Variants in CTNNA3 observed in about 807,000 individuals in gnomAD.
CTNNA3 encodes catenin alpha 3.
Under a neutral mutation model 95.7 loss-of-function variants are expected in CTNNA3, and 76 were observed. That is an observed-to-expected ratio of 0.79 (90% CI 0.66 to 0.96). The LOEUF (loss-of-function observed/expected upper bound fraction) is 0.96, where lower values mean the gene tolerates loss of function less well. Among genes scored for constraint, CTNNA3 ranks in the 40% least tolerant of loss-of-function variants. The pLI is 0.00. For synonymous variants in CTNNA3, 431 were observed against 374.4 expected (o/e 1.15, Z -1.74); for missense variants, 1,191 against 1,089.8 (o/e 1.09, Z -1.31).
intron 7 of CTNNA3, among the ~76,000 whole-genome samples, chr10:67,141,284 C>T (rs1438078321): frequency 7.0e-6 from 1 of 142,218 alleles, no homozygotes; most frequent in Non-Finnish European, 1.5e-5. Context: ...CCAATTAATG[C>T]TTGCAAAGGC....
chr10:67,371,769 G>T (rs917180995), intron 5 of CTNNA3, among the ~76,000 whole-genome samples: 3 of 152,118 alleles, frequency 2.0e-5, no homozygotes, highest in Non-Finnish European at 4.4e-5. Flanking sequence ...GGGTCAAATG[G>T]TATTTCTAGT....
In CTNNA3 at chr10:67,298,774, G is replaced by A. The variant is rs78820698; in HGVS notation, c.580-78904C>T. ...GCTGTGCTAGTTAGTTCCCATAAAT[G>A]TTGCACAACTGGAACTATATGTGCA... is the stretch of plus-strand genomic sequence containing the variant. On this transcript the variant is annotated intron_variant, in intron 5 of 17. Transcript: ENST00000433211. 1.6e-3 allele frequency among the ~76,000 whole-genome samples: 238 copies of A among 152,296 alleles called. 1 individual carries two copies. Among genetic ancestry groups the A allele is most frequent in the Non-Finnish European group, 3.0e-3 (206 of 68,024 alleles).
intron 13 of CTNNA3, among the ~76,000 whole-genome samples, chr10:66,214,214 A>C (rs2088363389): frequency 6.6e-6 from 1 of 152,202 alleles, no homozygotes; most frequent in African/African-American, 2.4e-5. Flanking sequence ...TAAACAAAGG[A>C]AAAGGTGCCC....
At chr10:67,564,561 G>C (rs902434368) in intron 3 of CTNNA3, among the ~76,000 whole-genome samples, 26 of 144,196 alleles carry the variant, frequency 1.8e-4, no homozygotes, top group African/African-American at 6.3e-4. Flanking sequence ...GTTAATCGGT[G>C]CAGCACACCA....
chr10:67,558,538 C>T (rs1841342705), intron 3 of CTNNA3, among the ~76,000 whole-genome samples: 1 of 152,232 alleles, frequency 6.6e-6, no homozygotes, highest in African/African-American at 2.4e-5. Flanking sequence ...CAGCGCCGGT[C>T]TACAGCTCCC....
At chr10:65,920,816 C>A (rs1380239411) in intron 17 of CTNNA3, among the ~76,000 whole-genome samples, 199 bp from the exon 18 acceptor site, 2 of 151,428 alleles carry the variant, frequency 1.3e-5, no homozygotes, top group African/African-American at 4.9e-5. Context: ...ACAGTGAAAC[C>A]CCATATAAAA....
chr10:66,832,277 G>T (rs1191828731), intron 7 of CTNNA3, among the ~76,000 whole-genome samples: 1 of 152,126 alleles, frequency 6.6e-6, no homozygotes, highest in Admixed American at 6.6e-5. Context: ...AGTAGACAGG[G>T]CCTTAATTTT....
At chr10:67,018,957 G>A (rs901012031) in intron 7 of CTNNA3, among the ~76,000 whole-genome samples, 4 of 152,194 alleles carry the variant, frequency 2.6e-5, no homozygotes, top group East Asian at 1.9e-4. Context: ...CTGATTTTCA[G>A]TATCAGTTTG....
intron 13 of CTNNA3, among the ~76,000 whole-genome samples, chr10:66,231,864 T>C (rs1367422900): frequency 6.6e-6 from 1 of 152,118 alleles, no homozygotes; most frequent in Non-Finnish European, 1.5e-5. Context: ...AAAGCCCCCA[T>C]TCTCTCTCTA....
chr10:66,453,599 G>A (rs2093478423), intron 11 of CTNNA3, among the ~76,000 whole-genome samples: 1 of 152,224 alleles, frequency 6.6e-6, no homozygotes, highest in Non-Finnish European at 1.5e-5. Context: ...GGATCTGAAT[G>A]TAATCAGCCT....
chr10:66,224,561 C>T (rs892743649), intron 13 of CTNNA3, among the ~76,000 whole-genome samples: 1 of 152,078 alleles, frequency 6.6e-6, no homozygotes, highest in Non-Finnish European at 1.5e-5. Context: ...ACAAGAAGGG[C>T]GTAGATGAGT....
chr10:66,303,248 A>T (rs2091888709), intron 12 of CTNNA3, among the ~76,000 whole-genome samples: 1 of 152,182 alleles, frequency 6.6e-6, no homozygotes. Flanking sequence ...AAATAAAAAA[A>T]TGTACAAACT....
chr10:66,853,977 A>ATT (rs1263724212), intron 7 of CTNNA3, among the ~76,000 whole-genome samples: 4 of 152,096 alleles, frequency 2.6e-5, no homozygotes, highest in African/African-American at 9.6e-5. Flanking sequence ...AAAAGCCGCT[A>ATT]TTTAACCATT....
intron 5 of CTNNA3, among the ~76,000 whole-genome samples, chr10:67,352,740 T>C (rs1387582257): frequency 1.3e-5 from 2 of 151,964 alleles, no homozygotes; most frequent in African/African-American, 4.8e-5. Flanking sequence ...CATTCCGAAA[T>C]AATGGAACTC....
intron 9 of CTNNA3, among the ~76,000 whole-genome samples, chr10:66,709,642 T>C (rs1038710874): frequency 3.3e-5 from 5 of 152,154 alleles, no homozygotes; most frequent in African/African-American, 9.7e-5. Context: ...TACAAAAGTA[T>C]GAATTATATT....
intron 7 of CTNNA3, among the ~76,000 whole-genome samples, chr10:66,955,700 A>G (rs1233340955): frequency 1.3e-5 from 2 of 152,184 alleles, no homozygotes; most frequent in Admixed American, 6.6e-5. Flanking sequence ...CTAGACTGTC[A>G]CAAACTGGAG....
intron 11 of CTNNA3, among the ~76,000 whole-genome samples, chr10:66,511,689 A>G (rs1840666815): frequency 6.6e-6 from 1 of 151,668 alleles, no homozygotes. Context: ...TCCTCTTGTT[A>G]TTGATTTCTA....
chr10:66,475,835 C>T (rs77493748), intron 11 of CTNNA3, among the ~76,000 whole-genome samples: 2 of 151,804 alleles, frequency 1.3e-5, no homozygotes, highest in Non-Finnish European at 3.0e-5. Context: ...ACAAAAAACA[C>T]TATTTGACCC....
At chr10:67,350,285 A>G (rs1842581480) in intron 5 of CTNNA3, among the ~76,000 whole-genome samples, 1 of 152,086 alleles carries the variant, frequency 6.6e-6, no homozygotes, top group Non-Finnish European at 1.5e-5. Flanking sequence ...GGTCATGAAC[A>G]AATGTTGGTA....
Sources: gnomAD v4.1 joint callset for allele counts (sites outside exome capture counted in the v4.1 genomes callset) on GRCh38, gnomAD v4.1.1 for gene constraint, MANE v1.5 for transcripts, NCBI Gene and HGNC (gene_info 2026-07-23, HGNC 2026-07-21) for gene names.